The following GALNT13 variants were observed in gnomAD, a reference collection of about 807,000 sequenced individuals.
The protein encoded by GALNT13 is UDP-GalNAc:polypeptide N-acetylgalactosaminyltransferase 13.
In GALNT13, 28 loss-of-function variants were observed where a neutral mutation model predicts 64.2. The observed-to-expected ratio is 0.44, with a 90% confidence interval of 0.32 to 0.60. The LOEUF (loss-of-function observed/expected upper bound fraction) is 0.60. GALNT13 is among the 20% of genes least tolerant of loss of function. The pLI is 0.05. For missense variants in GALNT13, 577 were observed against 669.8 expected, an observed-to-expected ratio of 0.86 and a Z score of 1.53; for synonymous variants, 214 against 224.6, an observed-to-expected ratio of 0.95 and a Z score of 0.42.
At chr2:153,265,421 C>T in the GALNT13 span, among the ~76,000 whole-genome samples, 1 of 152,172 alleles carries the variant, frequency 6.6e-6, no homozygotes, top group African/African-American at 2.4e-5. Flanking sequence ...CAGCTGAGTT[C>T]TGCCTGTGTT....
At chr2:154,244,791 C>T (rs1689685620) in intron 6 of GALNT13, among the ~76,000 whole-genome samples, 1 of 152,084 alleles carries the variant, frequency 6.6e-6, no homozygotes, top group Non-Finnish European at 1.5e-5. Flanking sequence ...CCATAGAAAG[C>T]TACCATTAAG....
At chr2:154,178,723 T>C (rs188259671) in intron 4 of GALNT13, among the ~76,000 whole-genome samples, 3 of 152,300 alleles carry the variant, frequency 2.0e-5, no homozygotes, top group Admixed American at 2.0e-4. Flanking sequence ...TTGCAATAGC[T>C]TCTTAATTTA....
At chr2:153,171,243 A>C in the GALNT13 span, among the ~76,000 whole-genome samples, 1 of 152,226 alleles carries the variant, frequency 6.6e-6, no homozygotes, top group Non-Finnish European at 1.5e-5. Flanking sequence ...AATGCTTCTG[A>C]TCAAGGCTTT....
chr2:153,894,942 C>G (rs1478035473), intron 1 of GALNT13, among the ~76,000 whole-genome samples: 1 of 152,058 alleles, frequency 6.6e-6, no homozygotes, highest in Admixed American at 6.6e-5. Flanking sequence ...GAATCAGTGA[C>G]CTGGTAGAGC....
the GALNT13 span, among the ~76,000 whole-genome samples, chr2:153,226,402 T>TA: frequency 2.5e-4 from 38 of 151,930 alleles, no homozygotes; most frequent in African/African-American, 6.8e-4. Flanking sequence ...TATGGAAAGA[T>TA]AAAAAAAATG....
At chr2:154,449,540 A>C (rs960862078) in intron 12 of GALNT13, among the ~76,000 whole-genome samples, 1 of 151,512 alleles carries the variant, frequency 6.6e-6, no homozygotes. Context: ...TCTCTCATAC[A>C]TTCAAATACT....
At chr2:154,190,645 C>G (rs1017342597) in intron 4 of GALNT13, among the ~76,000 whole-genome samples, 5 of 152,152 alleles carry the variant, frequency 3.3e-5, no homozygotes, top group Non-Finnish European at 7.4e-5. Context: ...TGATTTTCCT[C>G]ATTAACCTAA....
chr2:153,664,540 A>C, the GALNT13 span, among the ~76,000 whole-genome samples: 1 of 152,162 alleles, frequency 6.6e-6, no homozygotes, highest in African/African-American at 2.4e-5. Context: ...ATACATCCTC[A>C]GCTTATGAAG....
At chr2:154,018,805 A>G (rs1046529862) in intron 3 of GALNT13, among the ~76,000 whole-genome samples, 6 of 151,374 alleles carry the variant, frequency 4.0e-5, no homozygotes, top group African/African-American at 1.5e-4. Context: ...AGGGACGGGG[A>G]TGAAGGAGAG....
At chr2:154,153,227 C>T (rs762242414) in intron 4 of GALNT13, among the ~76,000 whole-genome samples, 21 of 152,202 alleles carry the variant, frequency 1.4e-4, no homozygotes, top group South Asian at 1.2e-3. Context: ...GTAACAGCAG[C>T]GATGGCTGCA....
At chr2:153,592,690 C>T in the GALNT13 span, among the ~76,000 whole-genome samples, 1 of 152,144 alleles carries the variant, frequency 6.6e-6, no homozygotes, top group Non-Finnish European at 1.5e-5. Context: ...TGGATAAGGA[C>T]CCACAGACCC....
chr2:153,120,486 G>A, the GALNT13 span, among the ~76,000 whole-genome samples: 1 of 152,082 alleles, frequency 6.6e-6, no homozygotes, highest in Admixed American at 6.6e-5. Context: ...ATGACCCTCA[G>A]GCATTTGAGG....
the GALNT13 span, among the ~76,000 whole-genome samples, chr2:153,242,860 T>C: frequency 6.6e-6 from 1 of 152,198 alleles, no homozygotes; most frequent in Admixed American, 6.5e-5. Context: ...AAAAATGTTT[T>C]CCTCATGGAA....
At chr2:153,826,121 G>A in the GALNT13 span, among the ~76,000 whole-genome samples, 4 of 152,090 alleles carry the variant, frequency 2.6e-5, no homozygotes, top group Non-Finnish European at 5.9e-5. Context: ...CTGGAGGCTG[G>A]GAGGACCCAG....
the GALNT13 span, among the ~76,000 whole-genome samples, chr2:153,329,493 A>G: frequency 5.4e-3 from 814 of 151,970 alleles, 10 homozygotes; most frequent in South Asian, 0.029. Flanking sequence ...ATGGTATCTC[A>G]TTTTGGTTTT....
At chr2:153,589,446 C>T in the GALNT13 span, among the ~76,000 whole-genome samples, 1 of 152,174 alleles carries the variant, frequency 6.6e-6, no homozygotes, top group Non-Finnish European at 1.5e-5. Flanking sequence ...ACTGTTCCAA[C>T]CTCTGCCCTT....
the GALNT13 span, among the ~76,000 whole-genome samples, chr2:153,464,742 CACCTAG>C: frequency 6.6e-6 from 1 of 152,014 alleles, no homozygotes; most frequent in Admixed American, 6.6e-5. Flanking sequence ...AGGGTGATAT[CACCTAG>C]AAACAGACAA....
At chr2:153,365,479 T>C in the GALNT13 span, among the ~76,000 whole-genome samples, 1 of 152,128 alleles carries the variant, frequency 6.6e-6, no homozygotes, top group Admixed American at 6.5e-5. Flanking sequence ...AGAAAATTTT[T>C]TTGCAATCTA....
chr2:154,429,301 G>A (rs1324863757), intron 11 of GALNT13, among the ~76,000 whole-genome samples: 1 of 152,026 alleles, frequency 6.6e-6, no homozygotes, highest in Non-Finnish European at 1.5e-5. Context: ...GAAGGGAAAG[G>A]AAAAATTCTT....
Sources: gnomAD v4.1 joint callset for allele counts (sites outside exome capture counted in the v4.1 genomes callset) on GRCh38, gnomAD v4.1.1 for gene constraint, MANE v1.5 for transcripts, NCBI Gene and HGNC (gene_info 2026-07-23, HGNC 2026-07-21) for gene names.